SCN8A: variants seen among roughly 807,000 people sequenced by gnomAD.
SCN8A encodes sodium channel protein type 8 subunit alpha.
In SCN8A, 30 loss-of-function variants were observed where a neutral mutation model predicts 184.1. That is an observed-to-expected ratio of 0.16 (90% CI 0.12 to 0.22). SCN8A has a LOEUF of 0.22. SCN8A is among the 10% of genes least tolerant of loss of function. The pLI is 1.00. For missense variants in SCN8A, 1,057 were observed against 2,498.9 expected (o/e 0.42, Z 12.30); for synonymous variants, 852 against 907.0 (o/e 0.94, Z 1.09).
At chr12:51,723,443 G>C (rs1942101087) in intron 12 of SCN8A, among the ~76,000 whole-genome samples, 1 of 152,172 alleles carries the variant, frequency 6.6e-6, no homozygotes, top group South Asian at 2.1e-4. Context: ...AATGAGCTAT[G>C]ATCACTACAT....
intron 26 of SCN8A, among the ~76,000 whole-genome samples, chr12:51,800,355 C>T (rs1430713560): frequency 6.6e-6 from 1 of 152,256 alleles, no homozygotes; most frequent in Non-Finnish European, 1.5e-5. Context: ...CAAGATCTAT[C>T]TGACTTCTGC....
chr12:51,618,511 A>G (rs1313301489), intron 1 of SCN8A, among the ~76,000 whole-genome samples: 1 of 146,284 alleles, frequency 6.8e-6, no homozygotes, highest in Non-Finnish European at 1.5e-5. Context: ...ACACACACAG[A>G]AAGAAAAAAA....
intron 3 of SCN8A, among the ~76,000 whole-genome samples, chr12:51,685,432 T>C (rs1941403614): frequency 1.3e-5 from 2 of 152,214 alleles, no homozygotes; most frequent in African/African-American, 2.4e-5. Flanking sequence ...TTGTCTAATA[T>C]GACAATTAGA....
intron 1 of SCN8A, among the ~76,000 whole-genome samples, chr12:51,658,855 G>A (rs1328857156): frequency 6.6e-6 from 1 of 152,096 alleles, no homozygotes; most frequent in African/African-American, 2.4e-5. Flanking sequence ...ACCAGAGTGG[G>A]TAAAATTCAG....
At chr12:51,670,710 A>G (rs1037515693) in intron 2 of SCN8A, among the ~76,000 whole-genome samples, 7 of 152,212 alleles carry the variant, frequency 4.6e-5, no homozygotes, top group African/African-American at 1.4e-4. Flanking sequence ...CAGATCAGCT[A>G]TGAAATAATG....
intron 1 of SCN8A, among the ~76,000 whole-genome samples, chr12:51,610,922 A>G (rs1384324025): frequency 2.6e-5 from 4 of 152,164 alleles, no homozygotes; most frequent in African/African-American, 9.7e-5. Flanking sequence ...TCTTTTTTCA[A>G]AGTTGTTTTG....
intron 2 of SCN8A, among the ~76,000 whole-genome samples, chr12:51,682,452 C>T (rs1284707351): frequency 2.6e-5 from 4 of 152,054 alleles, no homozygotes; most frequent in African/African-American, 4.8e-5. Context: ...TGTGGAGGTT[C>T]ATTTTTTAAT....
intron 6 of SCN8A, 198 bp downstream of exon 6, chr12:51,689,294 C>T (rs1941468973): frequency 1.8e-6 from 1 of 569,068 alleles, no homozygotes; most frequent in African/African-American, 1.9e-5. Context: ...GCATGCAGCC[C>T]CCATTCCATC....
chr12:51,792,812 G>A (rs1310697960), intron 25 of SCN8A, among the ~76,000 whole-genome samples: 3 of 151,982 alleles, frequency 2.0e-5, no homozygotes, highest in Admixed American at 6.5e-5. Flanking sequence ...GCGTGATCTC[G>A]GCCCACTGCA....
At chr12:51,607,907 T>C (rs1939630350) in intron 1 of SCN8A, among the ~76,000 whole-genome samples, 1 of 152,166 alleles carries the variant, frequency 6.6e-6, no homozygotes, top group Non-Finnish European at 1.5e-5. Context: ...TTATGTCCTT[T>C]TCTGGTTTTG....
intron 1 of SCN8A, among the ~76,000 whole-genome samples, chr12:51,634,656 A>ATTTTTT (rs10639290): frequency 2.9e-5 from 4 of 136,650 alleles, no homozygotes; most frequent in Admixed American, 7.5e-5. Context: ...TATTATTATT[A>ATTTTTT]TTTTTTTTTT....
At chr12:51,788,979 G>A (rs1190627266) in intron 23 of SCN8A, among the ~76,000 whole-genome samples, 1 of 152,038 alleles carries the variant, frequency 6.6e-6, no homozygotes, top group East Asian at 1.9e-4. Flanking sequence ...TTTTTACGTG[G>A]CCCCAGTGAA....
chr12:51,777,344 C>T (rs2138884532), intron 20 of SCN8A, among the ~76,000 whole-genome samples: 1 of 152,188 alleles, frequency 6.6e-6, no homozygotes, highest in Non-Finnish European at 1.5e-5. Context: ...ACTGCAGCCT[C>T]CAAGTCCTGG....
At chr12:51,609,987 A>G (rs1939683540) in intron 1 of SCN8A, among the ~76,000 whole-genome samples, 1 of 151,694 alleles carries the variant, frequency 6.6e-6, no homozygotes, top group Admixed American at 6.6e-5. Flanking sequence ...AAAATACAAT[A>G]AAATAAAATA....
chr12:51,794,600 G>A lies in SCN8A; in HGVS notation c.4754G>A (p.Trp1585Ter), dbSNP rs1555229543. The A allele has an allele frequency of 6.2e-7, 1 of 1,613,996 alleles. No individual in the cohort carries two copies. The highest frequency in any genetic ancestry group is 8.5e-7 in the Non-Finnish European group (1 of 1,179,898). ...AGGCACTACTACTTCACCATTGGCT[G>A]GAACATCTTCGACTTCGTGGTAGTC... ...ALRHYYFTIG[W>*]NIFDFVVVIL... is the part of the protein sequence containing the mutation. Residue 1585 changes from tryptophan to a stop codon, truncating the protein, a stop_gained, in exon 26 of 27, where the codon TGG (tryptophan) becomes TAG (stop). Transcript: ENST00000627620. LOFTEE classifies it high-confidence loss of function.
At chr12:51,726,479 C>T (rs374663) in intron 12 of SCN8A, among the ~76,000 whole-genome samples, 119,058 of 152,160 alleles carry the variant, frequency 0.78, 48,176 homozygotes, top group East Asian at 0.9. Flanking sequence ...AGAGTTAGGA[C>T]TGAATCCAAG....
At chr12:51,597,724 G>A (rs1169022625) in intron 1 of SCN8A, among the ~76,000 whole-genome samples, 2 of 152,068 alleles carry the variant, frequency 1.3e-5, no homozygotes, top group Non-Finnish European at 2.9e-5. Flanking sequence ...GCCTCTACAA[G>A]TTTAATGTCC....
chr12:51,673,158 A>G (rs1941161829), intron 2 of SCN8A, among the ~76,000 whole-genome samples: 1 of 152,240 alleles, frequency 6.6e-6, no homozygotes, highest in African/African-American at 2.4e-5. Context: ...AAAAAAGCAC[A>G]TCTGTACTGA....
chr12:51,768,412 T>G (rs1190780347), intron 16 of SCN8A, among the ~76,000 whole-genome samples: 3 of 152,204 alleles, frequency 2.0e-5, no homozygotes, highest in African/African-American at 7.2e-5. Context: ...TTCTTGGTTT[T>G]TTGTATGAAA....
Sources: allele counts gnomAD v4.1 joint callset (sites outside exome capture counted in the v4.1 genomes callset), GRCh38; gene constraint gnomAD v4.1.1; transcripts MANE v1.5; gene names NCBI Gene and HGNC (gene_info 2026-07-23, HGNC 2026-07-21).